NAALADL2: variants seen among roughly 807,000 people sequenced by gnomAD.
NAALADL2 encodes N-acetylated alpha-linked acidic dipeptidase like 2.
A neutral mutation model predicts 87.2 loss-of-function variants in NAALADL2; 76 were observed. The observed-to-expected ratio is 0.87, with a 90% CI of 0.72 to 1.05. The LOEUF (loss-of-function observed/expected upper bound fraction) is 1.05, where lower values mean the gene tolerates loss of function less well. NAALADL2 is among the 50% of genes least tolerant of loss of function. NAALADL2 has a pLI of 0.00. For synonymous variants in NAALADL2, 354 were observed against 331.0 expected, an observed-to-expected ratio of 1.07 and a Z score of -0.75; for missense variants, 1,089 against 945.8, an observed-to-expected ratio of 1.15 and a Z score of -1.99.
Position 175,094,445 on chromosome 3 carries a change from C to A in NAALADL2, c.44-2345C>A, listed in dbSNP as rs535916519. ...CTCTAGTATTTTCTTTTGACAGATTCTTTAAACCCAGTGAGATTCAGTTTC... is the reference window on the plus strand; with the variant it reads ...CTCTAGTATTTTCTTTTGACAGATTATTTAAACCCAGTGAGATTCAGTTTC... On this transcript the variant is annotated intron_variant, in intron 1 of 13. Coordinates refer to ENST00000454872, the MANE Select transcript of NAALADL2 (RefSeq NM_207015.3). Among the ~76,000 whole-genome samples the A allele has an allele frequency of 2.6e-5, 4 of 152,052 alleles. No individual in the cohort carries two copies. The South Asian group carries it at 8.3e-4, about 32-fold the overall frequency.
At chr3:175,502,508 G>C (rs956070079) in intron 9 of NAALADL2, among the ~76,000 whole-genome samples, 1 of 152,056 alleles carries the variant, frequency 6.6e-6, no homozygotes, top group African/African-American at 2.4e-5. Flanking sequence ...GGCTCTTCTT[G>C]CTTGAGCCTG....
intron 11 of NAALADL2, among the ~76,000 whole-genome samples, chr3:175,670,332 ATTAAAC>A (rs1424021966): frequency 2.0e-5 from 3 of 150,666 alleles, no homozygotes; most frequent in African/African-American, 7.3e-5. Flanking sequence ...TTTAAGAATA[ATTAAAC>A]TTAAGTTGAC....
chr3:175,366,055 G>C (rs1176873298), intron 5 of NAALADL2, among the ~76,000 whole-genome samples: 12 of 103,068 alleles, frequency 1.2e-4, no homozygotes, highest in African/African-American at 4.5e-4. Context: ...TCCCCTTCCT[G>C]TGTCCATGTG....
chr3:174,447,152 C>T (rs7632482), intron 1 of NAALADL2, among the ~76,000 whole-genome samples: 17,703 of 152,120 alleles, frequency 0.12, 1,784 homozygotes, highest in East Asian at 0.43. Context: ...ACAGGAGTTA[C>T]ATAATTCCTA....
intron 2 of NAALADL2, among the ~76,000 whole-genome samples, chr3:175,136,737 A>G (rs1463744306): frequency 6.6e-6 from 1 of 152,124 alleles, no homozygotes; most frequent in Non-Finnish European, 1.5e-5. Context: ...GGCTTGATTG[A>G]TGTAGGGCAA....
At chr3:174,877,259 A>G (rs986400624) in intron 1 of NAALADL2, among the ~76,000 whole-genome samples, 18 of 152,146 alleles carry the variant, frequency 1.2e-4, no homozygotes, top group Non-Finnish European at 1.3e-4. Context: ...ACATCTATGT[A>G]GATATCTATG....
At chr3:175,656,735 G>GTA (rs1560925475) in intron 11 of NAALADL2, among the ~76,000 whole-genome samples, 1 of 152,020 alleles carries the variant, frequency 6.6e-6, no homozygotes, top group Non-Finnish European at 1.5e-5. Flanking sequence ...GTGTGTGTGT[G>GTA]TGTATGTGTG....
Position 174,786,449 on chromosome 3 carries a change from C to CA in NAALADL2, c.-9+48720dup, listed in dbSNP as rs36127298. ...CTGGGTGACAGAGCAGACTCTGTCTCAAAAAAAAAAAAAAAAATAATAAAT... is the reference window on the plus strand; with the variant it reads ...CTGGGTGACAGAGCAGACTCTGTCTCAAAAAAAAAAAAAAAAAATAATAAAT... On this transcript the variant is annotated intron_variant, in intron 3 of 3. Transcript: ENST00000434257. 3.7e-3 allele frequency among the ~76,000 whole-genome samples: 454 copies of CA among 122,644 alleles called. 1 individual carries two copies. The highest frequency in any genetic ancestry group is 8.6e-3 in the African/African-American group (267 of 31,122). The allele number at this position is 122,644 out of a possible 152,430, so 80.5% of individuals were successfully genotyped here.
intron 2 of NAALADL2, among the ~76,000 whole-genome samples, chr3:174,626,088 ATT>A (rs34520470): frequency 0.26 from 36,234 of 138,510 alleles, 4,151 homozygotes; most frequent in South Asian, 0.44. Context: ...ATAACTATAG[ATT>A]TTTTTTTTTT....
At chr3:174,975,606 A>G (rs2108626886) in intron 1 of NAALADL2, among the ~76,000 whole-genome samples, 1 of 152,290 alleles carries the variant, frequency 6.6e-6, no homozygotes, top group African/African-American at 2.4e-5. Flanking sequence ...TGGGATAGTT[A>G]TGCCTTTTAT....
intron 1 of NAALADL2, among the ~76,000 whole-genome samples, chr3:174,518,581 G>A (rs1720072959): frequency 6.6e-6 from 1 of 151,996 alleles, no homozygotes; most frequent in South Asian, 2.1e-4. Flanking sequence ...ATTAACCTCA[G>A]AATAAAATTT....
intron 2 of NAALADL2, among the ~76,000 whole-genome samples, chr3:175,131,904 T>C: frequency 1.0e-5 from 1 of 95,802 alleles, no homozygotes. Context: ...ACGGGGCGGC[T>C]GGCCGGGCAG....
chr3:175,062,196 C>A (rs1388776936), intron 1 of NAALADL2, among the ~76,000 whole-genome samples: 1 of 152,078 alleles, frequency 6.6e-6, no homozygotes, highest in African/African-American at 2.4e-5. Context: ...ATAGAGACAG[C>A]AACTTAATCT....
At chr3:174,555,480 A>G (rs905056669) in intron 2 of NAALADL2, among the ~76,000 whole-genome samples, 1 of 151,936 alleles carries the variant, frequency 6.6e-6, no homozygotes, top group Admixed American at 6.6e-5. Flanking sequence ...TTGTATTTTT[A>G]GTAGAGAAGG....
At chr3:175,156,435 A>G (rs1732338180) in intron 2 of NAALADL2, among the ~76,000 whole-genome samples, 1 of 152,114 alleles carries the variant, frequency 6.6e-6, no homozygotes, top group Non-Finnish European at 1.5e-5. Flanking sequence ...TATGTGATCA[A>G]TGATTGATTA....
At chr3:175,469,373 C>G (rs1165445563) in intron 8 of NAALADL2, among the ~76,000 whole-genome samples, 3 of 151,996 alleles carry the variant, frequency 2.0e-5, no homozygotes, top group Non-Finnish European at 4.4e-5. Flanking sequence ...AATTTATGCT[C>G]TAAATATATT....
rs1273564069 is a variant in NAALADL2 at position 175,301,881 on chromosome 3, AT to A, written c.940-22293del. On this transcript the variant is annotated intron_variant, in intron 4 of 13. Transcript: ENST00000454872. ...TGGAGGGAAACAAAACACAAGAAAG[AT>A]ATGCATATATGATAAACTCTGTTGC... 3.3e-5 allele frequency among the ~76,000 whole-genome samples: 5 copies of A among 152,266 alleles called. No individual in the cohort carries two copies. In the East Asian group the frequency reaches 9.7e-4, roughly 29 times the overall value.
At chr3:175,265,415 A>G (rs113261190) in intron 4 of NAALADL2, among the ~76,000 whole-genome samples, 2 of 151,808 alleles carry the variant, frequency 1.3e-5, no homozygotes, top group South Asian at 4.1e-4. Flanking sequence ...ATACCAATAG[A>G]GTTTTAAAAG....
chr3:175,334,617 C>A (rs1204207447), intron 5 of NAALADL2, among the ~76,000 whole-genome samples: 1 of 151,034 alleles, frequency 6.6e-6, no homozygotes, highest in Non-Finnish European at 1.5e-5. Flanking sequence ...TATAAATATG[C>A]ATTTGTACTT....
Sources: gnomAD v4.1 joint callset for allele counts (sites outside exome capture counted in the v4.1 genomes callset) on GRCh38, gnomAD v4.1.1 for gene constraint, MANE v1.5 for transcripts, NCBI Gene and HGNC (gene_info 2026-07-23, HGNC 2026-07-21) for gene names.